The following VEPH1 variants were observed in gnomAD, a reference collection of about 807,000 sequenced individuals.
The protein encoded by VEPH1 is ventricular zone expressed PH domain containing 1, also known as ventricular zone-expressed PH domain-containing protein homolog 1.
In VEPH1, 80 loss-of-function variants were observed where a neutral mutation model predicts 85.2. The observed-to-expected ratio is 0.94, with a 90% CI of 0.78 to 1.13. The LOEUF is 1.13. Ranked by LOEUF, VEPH1 falls within the 50% of genes most tolerant of loss-of-function variation. The pLI, the probability that VEPH1 is intolerant of heterozygous loss-of-function variation, is 0.00. For synonymous variants in VEPH1, 297 were observed against 348.0 expected, an observed-to-expected ratio of 0.85 and a Z score of 1.63; for missense variants, 955 against 980.5, an observed-to-expected ratio of 0.97 and a Z score of 0.35.
chr3:157,443,489 T>G (rs1038413759), intron 4 of VEPH1: 1 of 153,184 alleles, frequency 6.5e-6, no homozygotes, highest in African/African-American at 2.4e-5. Flanking sequence ...GTCACGTTTT[T>G]GAGAAGATAG....
chr3:157,432,623 G>T (rs1382797721), intron 4 of VEPH1, among the ~76,000 whole-genome samples: 3 of 152,088 alleles, frequency 2.0e-5, no homozygotes, highest in African/African-American at 7.2e-5. Context: ...GTCTGTTTCT[G>T]GGCATTTATC....
At chr3:157,418,357 T>G (rs113816784) in intron 5 of VEPH1, among the ~76,000 whole-genome samples, 1 of 152,190 alleles carries the variant, frequency 6.6e-6, no homozygotes, top group Admixed American at 6.5e-5. Context: ...TGAAGATTGA[T>G]GGATATATCT....
chr3:157,435,655 G>A (rs1196565136), intron 4 of VEPH1, among the ~76,000 whole-genome samples: 2 of 152,174 alleles, frequency 1.3e-5, no homozygotes, highest in African/African-American at 2.4e-5. Context: ...ATGCCAGAGG[G>A]GCCCTAGCAT....
chr3:157,381,348 A>G lies in VEPH1; in HGVS notation c.935T>C (p.Leu312Pro), dbSNP rs1254365995. 15 of 1,614,218 alleles carry G rather than the reference A, an allele frequency of 9.3e-6. No individual in the cohort carries two copies. The highest frequency in any genetic ancestry group is 1.3e-5 in the Non-Finnish European group (15 of 1,180,026). ...EERARSCLTY[L>P]VSQLANMEHS... ...CTCCATGTTGGCCAGTTGGCTCACC[A>G]GGTATGTCAGGCAGCTCCTGGCTCT... Residue 312 changes from leucine to proline, a missense_variant, in exon 7 of 14, where the codon CTG (leucine) becomes CCG (proline). Physicochemically the swap from Leu to Pro is moderately conservative, Grantham distance 98. Transcript: ENST00000362010.
At chr3:157,369,194 A>AAAAAAAAAAAAAAAAAAAAAAAAAAAAC (rs1560001318) in intron 7 of VEPH1, among the ~76,000 whole-genome samples, 1 of 144,962 alleles carries the variant, frequency 6.9e-6, no homozygotes. Context: ...AAAAAAAAAA[A>AAAAAAAAAAAAAAAAAAAAAAAAAAAAC]AAAAAAAAAA....
chr3:157,442,645 G>A, intron 4 of VEPH1: 16 of 1,614,206 alleles, frequency 9.9e-6, no homozygotes, highest in Non-Finnish European at 1.4e-5. Flanking sequence ...ACCCACCTGT[G>A]CGGCACCTGG....
intron 4 of VEPH1, among the ~76,000 whole-genome samples, chr3:157,435,611 A>G (rs1733506110): frequency 6.6e-6 from 1 of 152,210 alleles, no homozygotes; most frequent in Non-Finnish European, 1.5e-5. Flanking sequence ...TTTGGTGGTT[A>G]TAGAACTAAT....
intron 4 of VEPH1, among the ~76,000 whole-genome samples, chr3:157,447,644 G>T (rs1433334143): frequency 2.0e-5 from 3 of 150,448 alleles, no homozygotes; most frequent in Non-Finnish European, 4.4e-5. Context: ...TCCCAGGCTG[G>T]AGTGGAGTGG....
chr3:157,353,702 C>T (rs1725131487), intron 9 of VEPH1, among the ~76,000 whole-genome samples: 1 of 152,110 alleles, frequency 6.6e-6, no homozygotes, highest in Non-Finnish European at 1.5e-5. Flanking sequence ...TCTTGGCTGG[C>T]TCTATTTTTC....
chr3:157,276,658 G>A (rs1329799494), intron 12 of VEPH1, among the ~76,000 whole-genome samples: 4 of 152,156 alleles, frequency 2.6e-5, no homozygotes. Flanking sequence ...TCAATCAATA[G>A]GGTTACAGAA....
intron 11 of VEPH1, among the ~76,000 whole-genome samples, chr3:157,293,622 T>G (rs952232118): frequency 6.6e-6 from 1 of 152,234 alleles, no homozygotes; most frequent in African/African-American, 2.4e-5. Flanking sequence ...CACACTCATC[T>G]AAAAATCATG....
At chr3:157,400,469 G>A (rs1730719012) in intron 6 of VEPH1, among the ~76,000 whole-genome samples, 1 of 152,126 alleles carries the variant, frequency 6.6e-6, no homozygotes, top group Non-Finnish European at 1.5e-5. Flanking sequence ...GAATGAAATT[G>A]ACTTAGGATT....
At chr3:157,439,846 G>T (rs1226901443) in intron 4 of VEPH1, among the ~76,000 whole-genome samples, 2 of 152,192 alleles carry the variant, frequency 1.3e-5, no homozygotes, top group Non-Finnish European at 2.9e-5. Flanking sequence ...CGCCTCCCGG[G>T]TTCACTCCAT....
chr3:157,266,645 T>C (rs1234569305), intron 12 of VEPH1, among the ~76,000 whole-genome samples: 2 of 152,190 alleles, frequency 1.3e-5, no homozygotes. Flanking sequence ...AATGGACTAA[T>C]TTTACATTGA....
chr3:157,311,592 T>A (rs1028823902), intron 11 of VEPH1, among the ~76,000 whole-genome samples: 3 of 152,196 alleles, frequency 2.0e-5, no homozygotes, highest in Non-Finnish European at 2.9e-5. Flanking sequence ...CTTTAAAAAA[T>A]TTTATATTTT....
chr3:157,409,668 G>A (rs1731395094), intron 6 of VEPH1: 25 of 985,272 alleles, frequency 2.5e-5, no homozygotes, highest in Non-Finnish European at 2.7e-5. Context: ...TCAAGCTGTT[G>A]AAAACAGTCT....
chr3:157,347,341 C>T (rs886790261), intron 9 of VEPH1, among the ~76,000 whole-genome samples: 2 of 152,104 alleles, frequency 1.3e-5, no homozygotes, highest in African/African-American at 4.8e-5. Flanking sequence ...TTTATTTAAG[C>T]GTATTCAAGG....
intron 9 of VEPH1, among the ~76,000 whole-genome samples, chr3:157,353,188 A>C (rs1484273942): frequency 1.3e-5 from 2 of 151,928 alleles, no homozygotes; most frequent in African/African-American, 2.4e-5. Flanking sequence ...AAATTTCCAA[A>C]CCTTGCAGAA....
chr3:157,387,399 C>CA (rs371545174), intron 6 of VEPH1, among the ~76,000 whole-genome samples: 49 of 152,224 alleles, frequency 3.2e-4, no homozygotes, highest in African/African-American at 1.2e-3. Context: ...AATGACCTTG[C>CA]AAAATGAGTA....
Sources: gnomAD v4.1 joint callset for allele counts (sites outside exome capture counted in the v4.1 genomes callset) on GRCh38, gnomAD v4.1.1 for gene constraint, MANE v1.5 for transcripts, NCBI Gene and HGNC (gene_info 2026-07-23, HGNC 2026-07-21) for gene names.